ABTB3: variants seen among roughly 807,000 people sequenced by gnomAD.
The protein encoded by ABTB3 is ankyrin repeat and BTB domain containing 3.
the ABTB3 span, among the ~76,000 whole-genome samples, chr12:107,577,147 A>G: frequency 6.6e-6 from 1 of 152,182 alleles, no homozygotes; most frequent in African/African-American, 2.4e-5. Context: ...TCTCACTGCA[A>G]TGTCAGAGTT....
At chr12:107,469,960 CTTTCTTTCTTTCTTTCTTTCTT>C in the ABTB3 span, among the ~76,000 whole-genome samples, 2 of 68,576 alleles carry the variant, frequency 2.9e-5, no homozygotes, top group African/African-American at 1.9e-4. Flanking sequence ...TTCTTTCTTT[CTTTCTTTCTTTCTTTCTTTCTT>C]TCTTTCTTTC....
chr12:107,491,747 T>G, the ABTB3 span, among the ~76,000 whole-genome samples: 1 of 148,046 alleles, frequency 6.8e-6, no homozygotes, highest in Non-Finnish European at 1.5e-5. Flanking sequence ...TGATTGAACT[T>G]GGTAGGCAGA....
chr12:107,384,588 A>G, the ABTB3 span, among the ~76,000 whole-genome samples: 3 of 152,176 alleles, frequency 2.0e-5, no homozygotes, highest in Admixed American at 6.5e-5. Flanking sequence ...CTGGACAGAG[A>G]GAGAAGTTGA....
At chr12:107,536,917 T>C in the ABTB3 span, among the ~76,000 whole-genome samples, 1 of 152,176 alleles carries the variant, frequency 6.6e-6, no homozygotes, top group Non-Finnish European at 1.5e-5. Context: ...ATCCAAGACA[T>C]GTCTGCACCC....
At chr12:107,413,231 G>C in the ABTB3 span, among the ~76,000 whole-genome samples, 1 of 151,848 alleles carries the variant, frequency 6.6e-6, no homozygotes, top group Non-Finnish European at 1.5e-5. Flanking sequence ...CCGAGATCGC[G>C]CCACTGCACT....
chr12:107,396,807 C>A, the ABTB3 span, among the ~76,000 whole-genome samples: 1 of 152,190 alleles, frequency 6.6e-6, no homozygotes, highest in African/African-American at 2.4e-5. Context: ...CTTCCTCCTT[C>A]CCTCCAGGCA....
chr12:107,659,316 A>G, the ABTB3 span: 1 of 152,232 alleles, frequency 6.6e-6, no homozygotes, highest in African/African-American at 2.4e-5. Context: ...CGAGGCTGAT[A>G]CACAAGGCCT....
the ABTB3 span, among the ~76,000 whole-genome samples, chr12:107,448,989 G>T: frequency 6.6e-6 from 1 of 152,248 alleles, no homozygotes. Flanking sequence ...ATGAATGCAG[G>T]TGCAGTTCTG....
At chr12:107,627,708 G>A in the ABTB3 span, among the ~76,000 whole-genome samples, 1 of 152,166 alleles carries the variant, frequency 6.6e-6, no homozygotes, top group African/African-American at 2.4e-5. Flanking sequence ...CCTAGCATCT[G>A]CATTGGGAGG....
At chr12:107,643,752 C>CTT in the ABTB3 span, among the ~76,000 whole-genome samples, 19 of 111,376 alleles carry the variant, frequency 1.7e-4, 1 homozygote, top group East Asian at 2.0e-3. Context: ...ATTGTTATTC[C>CTT]TTTTTTTTTT....
chr12:107,559,229 C>G, the ABTB3 span, among the ~76,000 whole-genome samples: 3 of 152,220 alleles, frequency 2.0e-5, no homozygotes, highest in African/African-American at 7.2e-5. Flanking sequence ...CTCAGTGTCT[C>G]CCAGAGAGAG....
the ABTB3 span, among the ~76,000 whole-genome samples, chr12:107,368,102 G>A: frequency 8.5e-5 from 13 of 152,152 alleles, no homozygotes; most frequent in Non-Finnish European, 1.8e-4. Context: ...GTTATGCAGC[G>A]GTAATAGCAC....
chr12:107,607,548 G>T, the ABTB3 span, among the ~76,000 whole-genome samples: 1 of 152,060 alleles, frequency 6.6e-6, no homozygotes, highest in African/African-American at 2.4e-5. Flanking sequence ...ACCTTTTATT[G>T]TCCCTCCCAG....
At chr12:107,539,265 G>A in the ABTB3 span, among the ~76,000 whole-genome samples, 1 of 152,060 alleles carries the variant, frequency 6.6e-6, no homozygotes, top group African/African-American at 2.4e-5. Context: ...TTGTCTCAGT[G>A]CCCGATCCCA....
At chr12:107,362,277 C>A in the ABTB3 span, among the ~76,000 whole-genome samples, 2 of 152,200 alleles carry the variant, frequency 1.3e-5, no homozygotes, top group Admixed American at 6.5e-5. Context: ...TGGAGATCAG[C>A]AGAATGCTTG....
the ABTB3 span, among the ~76,000 whole-genome samples, chr12:107,564,005 G>C: frequency 1.3e-5 from 2 of 152,266 alleles, no homozygotes; most frequent in East Asian, 3.9e-4. Context: ...GGATTGAAGA[G>C]AGAAACTGGA....
the ABTB3 span, among the ~76,000 whole-genome samples, chr12:107,622,107 T>C: frequency 1.3e-5 from 2 of 152,114 alleles, no homozygotes; most frequent in Non-Finnish European, 2.9e-5. Flanking sequence ...CTGGGCGTGG[T>C]CGTGTCTCAA....
chr12:107,524,014 T>A, the ABTB3 span, among the ~76,000 whole-genome samples: 1 of 152,172 alleles, frequency 6.6e-6, no homozygotes, highest in Non-Finnish European at 1.5e-5. Flanking sequence ...ATTCTGGTGC[T>A]CTCTTCGAAG....
chr12:107,374,054 G>C, the ABTB3 span, among the ~76,000 whole-genome samples: 1 of 152,156 alleles, frequency 6.6e-6, no homozygotes, highest in African/African-American at 2.4e-5. Context: ...CTCCATGGTG[G>C]GAGGGTTCTG....
Sources: gnomAD v4.1 joint callset for allele counts (sites outside exome capture counted in the v4.1 genomes callset) on GRCh38, gnomAD v4.1.1 for gene constraint, MANE v1.5 for transcripts, NCBI Gene and HGNC (gene_info 2026-07-23, HGNC 2026-07-21) for gene names.